TRIM61: variants seen among roughly 807,000 people sequenced by gnomAD.
The protein encoded by TRIM61 is putative tripartite motif-containing protein 61.
Under a neutral mutation model 14.2 loss-of-function variants are expected in TRIM61, and 1 was observed. The ratio of observed to expected loss-of-function variants is 0.07; its 90% confidence interval spans 0.03 to 0.33. The LOEUF (loss-of-function observed/expected upper bound fraction) is 0.33. Among genes scored for constraint, TRIM61 ranks in the 10% least tolerant of loss-of-function variants. The pLI is 0.99. For missense variants in TRIM61, 19 were observed against 202.2 expected (o/e 0.09, Z 5.49); for synonymous variants, 8 against 71.6 (o/e 0.11, Z 4.49).
chr4:164,973,386 CCT>C (rs1488391715), intron 2 of TRIM61, among the ~76,000 whole-genome samples: 1 of 152,148 alleles, frequency 6.6e-6, no homozygotes, highest in Admixed American at 6.5e-5. Context: ...CCTATGCAGC[CCT>C]CTATATATCA....
At chr4:164,962,192 A>G (rs1239555973) in intron 3 of TRIM61, among the ~76,000 whole-genome samples, 1 of 151,838 alleles carries the variant, frequency 6.6e-6, no homozygotes, top group African/African-American at 2.4e-5. Context: ...TCATCAGAAA[A>G]TGTGAAATCA....
intron 3 of TRIM61, chr4:164,969,334 A>T: frequency 6.6e-7 from 1 of 1,515,666 alleles, no homozygotes; most frequent in South Asian, 1.4e-5. Flanking sequence ...TATAATCTGA[A>T]AATTTTGTTA....
rs3068821 is a variant in TRIM61, at chr4:164,972,498, T to TTGTG, written c.-337-2163_-337-2160dup. On this transcript the variant is annotated intron_variant, in intron 2 of 4. Transcript: ENST00000329314. ...CCAAATTCAAGATTTGCCTATTGCT[T>TTGTG]TGTGTGTGTGTGTGGAGCCTTGTTC... Among the ~76,000 whole-genome samples, 136 of 151,620 alleles carry TTGTG rather than the reference T, an allele frequency of 9.0e-4. 2 individuals carry two copies. Among genetic ancestry groups the TTGTG allele is most frequent in the South Asian group, 7.3e-3 (35 of 4,782 alleles).
intron 3 of TRIM61, among the ~76,000 whole-genome samples, chr4:164,966,225 G>A (rs1732236150): frequency 6.6e-6 from 1 of 152,178 alleles, no homozygotes; most frequent in Non-Finnish European, 1.5e-5. Flanking sequence ...CATACTGAAG[G>A]TCAGTATTAA....
chr4:164,962,146 G>A (rs573468249), intron 3 of TRIM61, among the ~76,000 whole-genome samples: 1 of 152,060 alleles, frequency 6.6e-6, no homozygotes, highest in Non-Finnish European at 1.5e-5. Context: ...ATAAGAAGGA[G>A]GATAAGGAAG....
intron 3 of TRIM61, among the ~76,000 whole-genome samples, chr4:164,967,772 G>A (rs368790428): frequency 1.3e-5 from 2 of 151,794 alleles, no homozygotes; most frequent in East Asian, 3.9e-4. Context: ...GGCTAAGGCA[G>A]GAGAATTGCT....
intron 2 of TRIM61, among the ~76,000 whole-genome samples, chr4:164,973,756 A>G (rs1732422542): frequency 6.6e-6 from 1 of 152,228 alleles, no homozygotes; most frequent in Non-Finnish European, 1.5e-5. Context: ...TATCTCAGAA[A>G]ATCTCTCAAG....
At chr4:164,958,417 G>A (rs1419464221) in intron 3 of TRIM61, 1 of 167,000 alleles carries the variant, frequency 6.0e-6, no homozygotes, top group Admixed American at 6.5e-5. Flanking sequence ...CTTAGGCTGT[G>A]TTTCACACTG....
At chr4:164,968,205 T>C (rs1272227989) in intron 3 of TRIM61, 76 bp downstream of exon 3, 3 of 984,790 alleles carry the variant, frequency 3.0e-6, no homozygotes, top group East Asian at 1.1e-4. Flanking sequence ...TGTATTTACA[T>C]AGCAGTAGTC....
chr4:164,962,389 TTGTGTGTGTG>T (rs147058101), intron 3 of TRIM61, among the ~76,000 whole-genome samples: 12 of 146,406 alleles, frequency 8.2e-5, no homozygotes, highest in Admixed American at 2.1e-4. Flanking sequence ...CCTGGCTAAT[TTGTGTGTGTG>T]TGTGTGTGTG....
chr4:164,975,680 C>T (rs1393108918), intron 2 of TRIM61, among the ~76,000 whole-genome samples: 2 of 151,722 alleles, frequency 1.3e-5, no homozygotes, highest in East Asian at 1.9e-4. Context: ...CAATGCACTG[C>T]GGAAAGCCAC....
intron 3 of TRIM61, chr4:164,956,837 G>C: frequency 6.6e-6 from 4 of 609,084 alleles, no homozygotes; most frequent in South Asian, 2.2e-5. Context: ...AGGCTCTCAA[G>C]GGGCTTCAGC....
In TRIM61 at chr4:164,960,780, A is replaced by G. The variant is rs115297405; in HGVS notation, c.526-5684T>C. ...AGCCTAACCAACGTGGTGAAAACCC[A>G]TCTCTACTGAATATACAAAAATTAG... On this transcript the variant is annotated intron_variant, in intron 3 of 4. Transcript: ENST00000329314. Among the ~76,000 whole-genome samples, 1,070 of 152,122 alleles carry G rather than the reference A, an allele frequency of 7.0e-3. 5 individuals carry two copies. Among genetic ancestry groups the G allele is most frequent in the Non-Finnish European group, 0.012 (845 of 67,976 alleles).
rs192184548 is a variant in TRIM61 at position 164,968,559 on chromosome 4, G to C, written c.525+919C>G. Reference sequence around the variant, plus strand: ...TTCACTGGCTCAGTTATGTCTACTAGGTGAAAGAAACTGAGTCTTCTAATA... The same window carrying C: ...TTCACTGGCTCAGTTATGTCTACTACGTGAAAGAAACTGAGTCTTCTAATA... On this transcript the variant is annotated intron_variant, in intron 3 of 4. Coordinates refer to ENST00000329314, the MANE Select transcript of TRIM61 (RefSeq NM_001012414.3). The C allele has an allele frequency of 4.1e-6, 4 of 985,716 alleles. No homozygotes were observed. The Admixed American group carries it at 1.8e-4, about 46-fold the overall frequency. The allele number at this position is 985,716 out of a possible 1,614,324, so 61.1% of individuals were successfully genotyped here.
At chr4:164,960,349 C>T (rs1166457662) in intron 3 of TRIM61, among the ~76,000 whole-genome samples, 1 of 151,806 alleles carries the variant, frequency 6.6e-6, no homozygotes, top group African/African-American at 2.4e-5. Context: ...TCAAGACCAG[C>T]CTTGCCAAGA....
At chr4:164,959,734 G>A (rs2111133781) in intron 3 of TRIM61, among the ~76,000 whole-genome samples, 1 of 152,302 alleles carries the variant, frequency 6.6e-6, no homozygotes, top group South Asian at 2.1e-4. Flanking sequence ...CACTAGGGGA[G>A]TGTGAAGTCT....
rs538588976 is a variant in TRIM61 at position 164,964,145 on chromosome 4, C to T, written c.525+5333G>A. Among the ~76,000 whole-genome samples, 18 of 151,670 alleles carry T rather than the reference C, an allele frequency of 1.2e-4. No homozygotes were observed. The South Asian group carries it at 3.5e-3, about 30-fold the overall frequency. ...CGGGCTGATCACGAGGTCAGGAAAT[C>T]GAGACCATCCTGGCTAACACAGTGA... On this transcript the variant is annotated intron_variant, in intron 3 of 4. Transcript: ENST00000329314.
intron 3 of TRIM61, among the ~76,000 whole-genome samples, chr4:164,965,882 T>G (rs1318193514): frequency 6.6e-6 from 1 of 151,290 alleles, no homozygotes. Context: ...TAAAGACATT[T>G]TCAGATACAA....
rs111581708 is a variant in TRIM61, at chr4:164,968,988, C to G, written c.525+490G>C. On this transcript the variant is annotated intron_variant, in intron 3 of 4. Transcript: ENST00000329314. The stretch of plus-strand genomic sequence containing the variant: ...CAACTATATCCCTTAGAACCCAGAA[C>G]AGCTGGGAGGAGATAAAATCTTCTT... 103 of 1,028,684 alleles carry G rather than the reference C, an allele frequency of 1.0e-4. No homozygotes were observed. In the African/African-American group the frequency reaches 1.6e-3, roughly 16 times the overall value. 63.7% of individuals were successfully genotyped at this position (1,028,684 alleles called of 1,614,324 possible).
Sources: gnomAD v4.1 joint callset for allele counts (sites outside exome capture counted in the v4.1 genomes callset) on GRCh38, gnomAD v4.1.1 for gene constraint, MANE v1.5 for transcripts, NCBI Gene and HGNC (gene_info 2026-07-23, HGNC 2026-07-21) for gene names.